OTUD7A: variants seen among roughly 807,000 people sequenced by gnomAD.
OTUD7A encodes the protein OTU deubiquitinase 7A.
A neutral mutation model predicts 65.7 loss-of-function variants in OTUD7A; 12 were observed. The ratio of observed to expected loss-of-function variants is 0.18; its 90% CI spans 0.12 to 0.30. OTUD7A has a LOEUF of 0.30. Ranked by LOEUF, OTUD7A falls within the 10% of genes least tolerant of loss-of-function variation. The probability of loss-of-function intolerance (pLI) is 1.00; values close to 1 mark genes in which losing one functional copy is unlikely to be tolerated. For synonymous variants in OTUD7A, 641 were observed against 586.3 expected (o/e 1.09, Z -1.35); for missense variants, 1,148 against 1,304.8 (o/e 0.88, Z 1.85).
At chr15:31,772,236 A>G (rs923397884) in intron 1 of OTUD7A, among the ~76,000 whole-genome samples, 6 of 142,346 alleles carry the variant, frequency 4.2e-5, no homozygotes, top group African/African-American at 1.6e-4. Flanking sequence ...TGGGCGACAG[A>G]GCGAGACTCC....
intron 10 of OTUD7A, among the ~76,000 whole-genome samples, chr15:31,500,231 G>A (rs1231139259): frequency 1.3e-5 from 2 of 152,218 alleles, no homozygotes; most frequent in African/African-American, 2.4e-5. Context: ...CAGGCATTCC[G>A]CATTCCGGAT....
At chr15:31,854,815 G>GA (rs879800438) in intron 1 of OTUD7A, among the ~76,000 whole-genome samples, 99 of 124,256 alleles carry the variant, frequency 8.0e-4, no homozygotes, top group Middle Eastern at 4.0e-3. Context: ...TCCTAAAAAG[G>GA]AAAAAAAAAA....
chr15:31,721,718 T>C (rs2141349376), intron 1 of OTUD7A, among the ~76,000 whole-genome samples: 1 of 151,970 alleles, frequency 6.6e-6, no homozygotes, highest in East Asian at 1.9e-4. Context: ...TTTCTGCCCA[T>C]AAAATTAAAA....
At chr15:31,756,706 C>A (rs1219488892) in intron 1 of OTUD7A, among the ~76,000 whole-genome samples, 1 of 150,480 alleles carries the variant, frequency 6.6e-6, no homozygotes, top group Non-Finnish European at 1.5e-5. Flanking sequence ...AACTCTGAAC[C>A]AGCTCAAGTT....
intron 6 of OTUD7A, among the ~76,000 whole-genome samples, chr15:31,530,200 C>A (rs1175899493): frequency 6.6e-6 from 1 of 152,208 alleles, no homozygotes; most frequent in African/African-American, 2.4e-5. Flanking sequence ...CTGTTGACTG[C>A]TGTCAACATA....
chr15:31,488,856 A>T (rs1398944556), intron 10 of OTUD7A, among the ~76,000 whole-genome samples: 1 of 152,192 alleles, frequency 6.6e-6, no homozygotes, highest in Non-Finnish European at 1.5e-5. Context: ...GCTGCCAATA[A>T]GGGAAATGCA....
At chr15:31,858,052 T>C (rs778497699) in intron 1 of OTUD7A, among the ~76,000 whole-genome samples, 1 of 152,212 alleles carries the variant, frequency 6.6e-6, no homozygotes, top group Non-Finnish European at 1.5e-5. Flanking sequence ...GTCGTGGCAC[T>C]GTTGTCTTCC....
At chr15:31,664,437 C>T (rs1469249777) in intron 1 of OTUD7A, among the ~76,000 whole-genome samples, 1 of 151,722 alleles carries the variant, frequency 6.6e-6, no homozygotes, top group East Asian at 1.9e-4. Flanking sequence ...AGCATTTTTT[C>T]ATGTTTGTTG....
At chr15:31,652,914 G>C (rs1293570674) in intron 3 of OTUD7A, among the ~76,000 whole-genome samples, 3 of 152,148 alleles carry the variant, frequency 2.0e-5, no homozygotes, top group African/African-American at 4.8e-5. Context: ...CTGGAAAACA[G>C]GTTGGCAGTT....
At chr15:31,681,386 T>G (rs1892712545) in intron 1 of OTUD7A, among the ~76,000 whole-genome samples, 1 of 152,174 alleles carries the variant, frequency 6.6e-6, no homozygotes, top group Admixed American at 6.5e-5. Flanking sequence ...TGTAGGTCTT[T>G]GTGCTATATA....
chr15:31,835,500 C>A (rs981302339), intron 1 of OTUD7A, among the ~76,000 whole-genome samples: 2 of 152,068 alleles, frequency 1.3e-5, no homozygotes, highest in African/African-American at 2.4e-5. Context: ...TTTTTCACCG[C>A]AAATAATAAG....
chr15:31,735,219 C>T (rs1197142026), intron 1 of OTUD7A, among the ~76,000 whole-genome samples: 11 of 152,122 alleles, frequency 7.2e-5, no homozygotes, highest in Admixed American at 1.3e-4. Flanking sequence ...GTCAGAATGG[C>T]TTTTATTAAA....
chr15:31,527,439 C>T (rs2042030507), intron 6 of OTUD7A, 131 bp from the exon 7 acceptor site: 2 of 1,237,484 alleles, frequency 1.6e-6, no homozygotes, highest in South Asian at 3.3e-5. Flanking sequence ...CCTTACTCAG[C>T]GGTTCTGTTA....
chr15:31,688,201 C>T (rs1302657781), intron 1 of OTUD7A, among the ~76,000 whole-genome samples: 4 of 134,676 alleles, frequency 3.0e-5, no homozygotes, highest in Admixed American at 8.1e-5. Flanking sequence ...GGCGACAGAG[C>T]GAGACTCCAT....
intron 1 of OTUD7A, among the ~76,000 whole-genome samples, chr15:31,799,053 C>CA (rs1225627636): frequency 1.3e-5 from 2 of 152,156 alleles, no homozygotes; most frequent in African/African-American, 4.8e-5. Context: ...TATCTGGAGA[C>CA]AGAGATTTCT....
chr15:31,593,330 C>T (rs1889806578), intron 3 of OTUD7A, among the ~76,000 whole-genome samples: 1 of 151,878 alleles, frequency 6.6e-6, no homozygotes, highest in Admixed American at 6.6e-5. Flanking sequence ...GACACGTGCC[C>T]AGGTGATGTC....
chr15:31,618,057 C>T (rs1011401019), intron 3 of OTUD7A, among the ~76,000 whole-genome samples: 1 of 152,014 alleles, frequency 6.6e-6, no homozygotes, highest in Admixed American at 6.6e-5. Context: ...TGATAGTTTG[C>T]TGAGAATGAT....
At chr15:31,662,552 A>C (rs1892196319) in intron 1 of OTUD7A, among the ~76,000 whole-genome samples, 2 of 152,210 alleles carry the variant, frequency 1.3e-5, no homozygotes, top group Admixed American at 1.3e-4. Context: ...CTTGTGTGAC[A>C]AAATGTTTCA....
intron 4 of OTUD7A, among the ~76,000 whole-genome samples, chr15:31,568,881 C>T (rs1458983593): frequency 2.0e-5 from 3 of 152,218 alleles, no homozygotes; most frequent in Non-Finnish European, 4.4e-5. Context: ...TTGCCTTCTG[C>T]ATGATTGTAA....
Sources: allele counts gnomAD v4.1 joint callset (sites outside exome capture counted in the v4.1 genomes callset), GRCh38; gene constraint gnomAD v4.1.1; transcripts MANE v1.5; gene names NCBI Gene and HGNC (gene_info 2026-07-23, HGNC 2026-07-21).